Variants in ABLIM1 observed in about 807,000 individuals in gnomAD.
The protein encoded by ABLIM1 is actin-binding LIM protein 1.
A neutral mutation model predicts 107.0 loss-of-function variants in ABLIM1; 40 were observed. The observed-to-expected ratio is 0.37, with a 90% CI of 0.29 to 0.49. ABLIM1 has a LOEUF of 0.49. Among genes scored for constraint, ABLIM1 ranks in the 20% least tolerant of loss-of-function variants. The pLI is 0.97. For missense variants in ABLIM1, 857 were observed against 1,008.5 expected (o/e 0.85, Z 2.04); for synonymous variants, 357 against 357.3 (o/e 1.00, Z 0.01).
the ABLIM1 span, among the ~76,000 whole-genome samples, chr10:114,775,724 G>T: frequency 1.3e-5 from 2 of 152,086 alleles, no homozygotes; most frequent in African/African-American, 4.8e-5. Flanking sequence ...TGACAAGCAG[G>T]ATATATCATT....
chr10:114,699,984 G>T (rs1299227720), intron 1 of ABLIM1, among the ~76,000 whole-genome samples: 1 of 151,794 alleles, frequency 6.6e-6, no homozygotes, highest in Non-Finnish European at 1.5e-5. Context: ...TTTTTTTTCA[G>T]ATGGGGTCTC....
chr10:114,563,158 C>T (rs546460720), intron 4 of ABLIM1, among the ~76,000 whole-genome samples: 17 of 152,290 alleles, frequency 1.1e-4, no homozygotes, highest in South Asian at 8.3e-4. Flanking sequence ...GCACTTAGAG[C>T]GATATTCAGA....
At chr10:114,682,242 C>G (rs2141586715) in intron 1 of ABLIM1, among the ~76,000 whole-genome samples, 1 of 152,238 alleles carries the variant, frequency 6.6e-6, no homozygotes, top group East Asian at 1.9e-4. Flanking sequence ...TCCTTTAGAG[C>G]AGAAGGTTGT....
At chr10:114,494,454 G>A (rs942107134) in intron 6 of ABLIM1, among the ~76,000 whole-genome samples, 6 of 152,188 alleles carry the variant, frequency 3.9e-5, no homozygotes, top group Non-Finnish European at 7.3e-5. Context: ...AGGACTGCTT[G>A]AGCCTGGGAG....
chr10:114,508,034 C>G (rs2061385610), intron 6 of ABLIM1, among the ~76,000 whole-genome samples: 1 of 152,256 alleles, frequency 6.6e-6, no homozygotes, highest in South Asian at 2.1e-4. Flanking sequence ...TGGGGTACCT[C>G]TTGGGCCAGG....
chr10:114,445,393 C>T lies in ABLIM1; in HGVS notation c.1746G>A (p.Met582Ile). The T allele has an allele frequency of 6.2e-7, 1 of 1,614,150 alleles. No homozygotes were observed. The change falls in exon 16 of 23, where the codon ATG (methionine) becomes ATA (isoleucine). Residue 582 changes from methionine (M) to isoleucine (I), a missense_variant. This residue lies in a region of ABLIM1 where 103 missense variants were observed against 101.0 expected (regional missense o/e 1.02). Transcript: ENST00000533213. ...CCTCTCTGCCACTAGATCTGCGTTT[C>T]ATGTCAGGTCCTAATTCCACAGCAA... Reference protein sequence around the residue: ...PPSFAVVGPDMKRRSSGREED... With the variant: ...PPSFAVVGPDIKRRSSGREED...
In ABLIM1 at chr10:114,707,195, G is replaced by A. The variant is rs2081441888; in HGVS notation, c.-213+60866C>T. ...CTACCATACATACAGTGCAATTAGAGACCATCATATCCCAAAGTTCTCCAG... is the reference window on the plus strand; with the variant it reads ...CTACCATACATACAGTGCAATTAGAAACCATCATATCCCAAAGTTCTCCAG... On this transcript the variant is annotated intron_variant, in intron 1 of 15. Coordinates refer to the ABLIM1 transcript ENST00000651092. The surrounding 1 kb of genome is among the most constrained non-coding windows in gnomAD (Gnocchi z 4.1). 6.6e-6 allele frequency among the ~76,000 whole-genome samples: 1 copy of A among 152,096 alleles called. No individual in the cohort carries two copies. The highest frequency in any genetic ancestry group is 2.1e-4 in the South Asian group (1 of 4,820).
the ABLIM1 span, among the ~76,000 whole-genome samples, chr10:114,786,937 C>T: frequency 6.6e-6 from 1 of 151,856 alleles, no homozygotes; most frequent in Admixed American, 6.6e-5. Flanking sequence ...AAGTGAGGAG[C>T]GTCTCTGCCT....
intron 1 of ABLIM1, among the ~76,000 whole-genome samples, chr10:114,711,367 T>C (rs2081544622): frequency 2.0e-5 from 3 of 152,150 alleles, no homozygotes; most frequent in Admixed American, 2.0e-4. Context: ...ATCCATAACC[T>C]TCCCTTGTCT....
intron 1 of ABLIM1, among the ~76,000 whole-genome samples, chr10:114,677,510 C>T (rs950042220): frequency 2.0e-5 from 3 of 152,172 alleles, no homozygotes; most frequent in Admixed American, 6.5e-5. Flanking sequence ...TAGTGGCTCA[C>T]GCCTGTAATC....
At chr10:114,447,823 T>C (rs750036550) in intron 15 of ABLIM1, 57 bp downstream of exon 15, 1 of 1,592,112 alleles carries the variant, frequency 6.3e-7, no homozygotes, top group Non-Finnish European at 8.6e-7. Context: ...TTTAAGCATG[T>C]CATCTTGAGC....
chr10:114,618,311 A>G (rs967860293), intron 1 of ABLIM1, among the ~76,000 whole-genome samples: 1 of 152,018 alleles, frequency 6.6e-6, no homozygotes, highest in Non-Finnish European at 1.5e-5. Flanking sequence ...CCTTTCTCCC[A>G]CTTGCCTAGC....
chr10:114,618,365 A>G (rs2077259612), intron 1 of ABLIM1, among the ~76,000 whole-genome samples: 1 of 151,972 alleles, frequency 6.6e-6, no homozygotes, highest in Non-Finnish European at 1.5e-5. Flanking sequence ...TTTTGTTGTG[A>G]TCTACTAATA....
intron 12 of ABLIM1, among the ~76,000 whole-genome samples, chr10:114,462,080 A>C (rs1031597083): frequency 6.6e-6 from 1 of 152,236 alleles, no homozygotes; most frequent in African/African-American, 2.4e-5. Flanking sequence ...CAGCCGCTCA[A>C]CAACCAAGTG....
At chr10:114,793,625 G>A in the ABLIM1 span, among the ~76,000 whole-genome samples, 1 of 152,158 alleles carries the variant, frequency 6.6e-6, no homozygotes, top group Non-Finnish European at 1.5e-5. Flanking sequence ...TTCTTGCTGA[G>A]GCTGGGTGTC....
intron 1 of ABLIM1, among the ~76,000 whole-genome samples, chr10:114,732,307 T>A (rs994014138): frequency 6.6e-5 from 10 of 151,818 alleles, no homozygotes; most frequent in African/African-American, 2.4e-4. Context: ...GATTTGCATT[T>A]TTCTAATGGC....
At chr10:114,441,875 G>T in intron 17 of ABLIM1, 89 bp from the exon 18 acceptor site, 1 of 1,183,010 alleles carries the variant, frequency 8.5e-7, no homozygotes, top group Non-Finnish European at 1.2e-6. Context: ...TACCTCACAG[G>T]ATAGAAATAC....
At chr10:114,669,278 C>T (rs1486961195) in intron 1 of ABLIM1, among the ~76,000 whole-genome samples, 2 of 152,124 alleles carry the variant, frequency 1.3e-5, no homozygotes, top group African/African-American at 4.8e-5. Flanking sequence ...CTATTACTTA[C>T]CCTGTCAAGG....
intron 1 of ABLIM1, among the ~76,000 whole-genome samples, chr10:114,694,590 A>T (rs967655115): frequency 6.6e-6 from 1 of 152,166 alleles, no homozygotes; most frequent in African/African-American, 2.4e-5. Flanking sequence ...GGGGATAATT[A>T]TGATACCTAC....
Sources: gnomAD v4.1 joint callset for allele counts (sites outside exome capture counted in the v4.1 genomes callset) on GRCh38, gnomAD v4.1.1 for gene constraint, gnomAD v4.1.1 regional missense constraint, Gnocchi (gnomAD v3.1) non-coding constraint, MANE v1.5 for transcripts, NCBI Gene and HGNC (gene_info 2026-07-23, HGNC 2026-07-21) for gene names.